The following DCDC2 variants were observed in gnomAD, a reference collection of about 807,000 sequenced individuals.
The protein encoded by DCDC2 is doublecortin domain-containing protein 2.
In DCDC2, 40 loss-of-function variants were observed where a neutral mutation model predicts 50.2. The observed-to-expected ratio is 0.80, with a 90% CI of 0.62 to 1.04. The LOEUF (loss-of-function observed/expected upper bound fraction) is 1.04. Ranked by LOEUF, DCDC2 falls within the 50% of genes least tolerant of loss-of-function variation. The probability of loss-of-function intolerance (pLI) is 0.00; values close to 1 mark genes in which losing one functional copy is unlikely to be tolerated. For missense variants in DCDC2, 570 were observed against 581.9 expected, an observed-to-expected ratio of 0.98 and a Z score of 0.21; for synonymous variants, 234 against 210.6, an observed-to-expected ratio of 1.11 and a Z score of -0.96.
intron 8 of DCDC2, among the ~76,000 whole-genome samples, chr6:24,189,086 C>T (rs914150532): frequency 2.0e-5 from 3 of 152,070 alleles, no homozygotes; most frequent in African/African-American, 7.2e-5. Context: ...AGCTTTTCTC[C>T]TCGACACCAG....
At chr6:24,201,545 AAGC>A (rs1761587777) in intron 8 of DCDC2, among the ~76,000 whole-genome samples, 1 of 152,228 alleles carries the variant, frequency 6.6e-6, no homozygotes, top group African/African-American at 2.4e-5. Context: ...CCACAGGAGA[AAGC>A]AGAAAAGATC....
intron 7 of DCDC2, among the ~76,000 whole-genome samples, chr6:24,245,053 G>C (rs1762641247): frequency 6.6e-6 from 1 of 152,064 alleles, no homozygotes; most frequent in African/African-American, 2.4e-5. Context: ...AAATTAGCTG[G>C]GTGTGGTGGT....
rs1195882175 is a variant in DCDC2 at position 24,353,611 on chromosome 6, T to C, written c.306A>G (p.Ile102Met). Reference protein sequence around the residue: ...EAFKKLNYLDIGEIKKRPMEV... With the variant: ...EAFKKLNYLDMGEIKKRPMEV... ...CCATTGGTCTTTTCTTGATTTCTCC[T>C]ATGTCCAAGTAACTGAGGAAAAAAC... Residue 102 changes from isoleucine (I) to methionine (M), a missense_variant, in exon 2 of 10, where the codon ATA becomes ATG. Coordinates refer to ENST00000378454, the MANE Select transcript of DCDC2 (RefSeq NM_016356.5). 2 of 1,589,340 alleles carry C rather than the reference T, an allele frequency of 1.3e-6. No individual in the cohort carries two copies. The highest frequency in any genetic ancestry group is 1.7e-6 in the Non-Finnish European group (2 of 1,166,660).
intron 7 of DCDC2, among the ~76,000 whole-genome samples, chr6:24,249,297 C>A (rs1389747859): frequency 3.9e-5 from 6 of 152,074 alleles, no homozygotes; most frequent in African/African-American, 1.4e-4. Flanking sequence ...TGCTGAAACC[C>A]ATTTAACTAG....
At chr6:24,192,164 G>A (rs559589588) in intron 8 of DCDC2, among the ~76,000 whole-genome samples, 1 of 152,272 alleles carries the variant, frequency 6.6e-6, no homozygotes, top group South Asian at 2.1e-4. Context: ...CTCAGAACAA[G>A]GGGACTATAC....
intron 2 of DCDC2, among the ~76,000 whole-genome samples, chr6:24,344,771 A>T (rs9885814): frequency 0.085 from 12,986 of 152,310 alleles, 617 homozygotes; most frequent in African/African-American, 0.13. Flanking sequence ...GAAAGTGTGA[A>T]AGAAAAATGA....
intron 7 of DCDC2, among the ~76,000 whole-genome samples, chr6:24,210,079 C>A (rs1761832534): frequency 6.8e-6 from 1 of 146,982 alleles, no homozygotes; most frequent in African/African-American, 2.6e-5. Context: ...TGTCTGCCTG[C>A]CTGCCTGTCT....
intron 7 of DCDC2, among the ~76,000 whole-genome samples, chr6:24,207,256 TTCTCTCTCTCTCTC>T (rs60603298): frequency 1.2e-4 from 15 of 129,606 alleles, no homozygotes; most frequent in South Asian, 2.6e-4. Context: ...CCATCTATCT[TTCTCTCTCTCTCTC>T]TCTCTCTCTC....
At chr6:24,179,705 A>G (rs1407244899) in intron 8 of DCDC2, among the ~76,000 whole-genome samples, 3 of 151,258 alleles carry the variant, frequency 2.0e-5, no homozygotes, top group Non-Finnish European at 4.4e-5. Context: ...CTGTAATCCC[A>G]GCACTTTGGG....
At chr6:24,212,118 G>A (rs1312518158) in intron 7 of DCDC2, among the ~76,000 whole-genome samples, 1 of 152,150 alleles carries the variant, frequency 6.6e-6, no homozygotes, top group Admixed American at 6.5e-5. Context: ...GCACATGCAA[G>A]GGATCTAGGG....
At chr6:24,371,333 G>A in the DCDC2 span, among the ~76,000 whole-genome samples, 5 of 150,334 alleles carry the variant, frequency 3.3e-5, no homozygotes, top group Admixed American at 1.3e-4. Context: ...GCTGGATGCC[G>A]TGGCTCACAC....
chr6:24,339,022 T>G (rs1009754262), intron 2 of DCDC2, among the ~76,000 whole-genome samples: 1 of 131,864 alleles, frequency 7.6e-6, no homozygotes, highest in Non-Finnish European at 1.6e-5. Context: ...TCCCATGCCT[T>G]ATCTCTCACA....
chr6:24,335,339 G>A (rs1374959512), intron 2 of DCDC2, among the ~76,000 whole-genome samples: 4 of 152,186 alleles, frequency 2.6e-5, no homozygotes, highest in Non-Finnish European at 4.4e-5. Context: ...TGAAGAGGAG[G>A]AGTGTATTTT....
intron 7 of DCDC2, among the ~76,000 whole-genome samples, chr6:24,275,598 G>T (rs1284026347): frequency 6.6e-6 from 1 of 152,046 alleles, no homozygotes; most frequent in Non-Finnish European, 1.5e-5. Flanking sequence ...AGCGTTTCCT[G>T]TAACAATGAG....
intron 6 of DCDC2, among the ~76,000 whole-genome samples, chr6:24,284,718 T>C (rs1763556687): frequency 6.6e-6 from 1 of 151,994 alleles, no homozygotes; most frequent in African/African-American, 2.4e-5. Flanking sequence ...TTTGCATGCC[T>C]ATATGATTGA....
chr6:24,263,860 T>C (rs947425283), intron 7 of DCDC2, among the ~76,000 whole-genome samples: 3 of 152,056 alleles, frequency 2.0e-5, no homozygotes, highest in African/African-American at 7.2e-5. Flanking sequence ...TAAAGAAAGA[T>C]ATCAATATTC....
upstream of DCDC2, among the ~76,000 whole-genome samples, chr6:24,359,308 ATT>A (rs1760596752): frequency 2.1e-5 from 1 of 47,328 alleles, no homozygotes; most frequent in East Asian, 5.6e-4. Flanking sequence ...TTTTATATAT[ATT>A]ATATATTTTA....
rs767068200 is a variant in DCDC2 at position 24,205,222 on chromosome 6, A to G, written c.923-120T>C. 11 of 1,608,718 alleles carry G rather than the reference A, an allele frequency of 6.8e-6. No homozygotes were observed. The East Asian group carries it at 8.9e-5, about 13-fold the overall frequency. On this transcript the variant is annotated intron_variant, in intron 7 of 9. Transcript: ENST00000378454. ...CATTTGGATTCCCTTTTTAGTTGAT[A>G]GTATTTTTGTGCACCCCCTCCTCCG... is the stretch of plus-strand genomic sequence containing the variant.
At chr6:24,280,765 C>T (rs915383259) in intron 6 of DCDC2, among the ~76,000 whole-genome samples, 1 of 152,084 alleles carries the variant, frequency 6.6e-6, no homozygotes, top group Non-Finnish European at 1.5e-5. Context: ...ATCTTGAACT[C>T]CTGACCTCAG....
Sources: allele counts gnomAD v4.1 joint callset (sites outside exome capture counted in the v4.1 genomes callset), GRCh38; gene constraint gnomAD v4.1.1; transcripts MANE v1.5; gene names NCBI Gene and HGNC (gene_info 2026-07-23, HGNC 2026-07-21).